SCEL: variants seen among roughly 807,000 people sequenced by gnomAD.
SCEL encodes sciellin.
Under a neutral mutation model 117.6 loss-of-function variants are expected in SCEL, and 113 were observed. That is an observed-to-expected ratio of 0.96 (90% confidence interval 0.83 to 1.12). The LOEUF (loss-of-function observed/expected upper bound fraction) is 1.12, where lower values mean the gene tolerates loss of function less well. Ranked by LOEUF, SCEL falls within the 50% of genes most tolerant of loss-of-function variation. SCEL has a pLI of 0.00. For synonymous variants in SCEL, 270 were observed against 256.2 expected (o/e 1.05, Z -0.51); for missense variants, 785 against 810.8 (o/e 0.97, Z 0.39).
chr13:77,628,124 A>C (rs554564277), intron 28 of SCEL, 115 bp downstream of exon 28: 69 of 209,494 alleles, frequency 3.3e-4, no homozygotes, highest in African/African-American at 1.6e-3. Flanking sequence ...TATGTAATAT[A>C]TAATTTGGAT....
chr13:77,608,295 A>G (rs1019380788), intron 20 of SCEL, among the ~76,000 whole-genome samples, 180 bp downstream of exon 20: 22 of 152,172 alleles, frequency 1.4e-4, no homozygotes, highest in African/African-American at 4.1e-4. Context: ...TTAGTTATAA[A>G]CTGAGGATCA....
rs377482468 is a variant in SCEL, at chr13:77,613,997, A to G, written c.1451+42A>G. 3.5e-6 allele frequency: 5 copies of G among 1,448,146 alleles called. No individual in the cohort carries two copies. In the African/African-American group the frequency reaches 5.7e-5, roughly 16 times the overall value. The allele number at this position is 1,448,146 out of a possible 1,614,324, so 89.7% of individuals were successfully genotyped here. A position where few individuals can be genotyped will look rare whatever the true frequency, so the allele number is the denominator to read the frequency against. The stretch of plus-strand genomic sequence containing the variant: ...ATTTTTGTTGTGTTTCTCGTTAAGT[A>G]AACCCAAAATTAATAGAAATGATTT... On this transcript the variant is annotated intron_variant, in intron 24 of 32. Transcript: ENST00000349847.
At chr13:77,568,130 C>T (rs1446126374) in intron 6 of SCEL, among the ~76,000 whole-genome samples, 165 bp from the exon 7 acceptor site, 2 of 152,082 alleles carry the variant, frequency 1.3e-5, no homozygotes, top group Non-Finnish European at 2.9e-5. Flanking sequence ...GTACAAGAGA[C>T]AAAATCATGA....
intron 1 of SCEL, among the ~76,000 whole-genome samples, chr13:77,536,972 A>T (rs2154392586): frequency 6.6e-6 from 1 of 152,384 alleles, no homozygotes; most frequent in South Asian, 2.1e-4. Context: ...TTTTCATAAA[A>T]TGTGATTACA....
chr13:77,630,477 A>T (rs1171235371), intron 28 of SCEL, among the ~76,000 whole-genome samples: 1 of 152,162 alleles, frequency 6.6e-6, no homozygotes, highest in Non-Finnish European at 1.5e-5. Flanking sequence ...CACTATTTTG[A>T]TTAATGTTGC....
chr13:77,623,241 G>A (rs1233177956), intron 27 of SCEL: 1 of 152,142 alleles, frequency 6.6e-6, no homozygotes, highest in Non-Finnish European at 1.5e-5. Flanking sequence ...TCTTTTACTG[G>A]ATCTTCAAAT....
chr13:77,626,899 C>G (rs2089764394), intron 27 of SCEL, among the ~76,000 whole-genome samples: 1 of 151,932 alleles, frequency 6.6e-6, no homozygotes, highest in Admixed American at 6.6e-5. Context: ...GTTTTGACTT[C>G]TAAACAGTGC....
chr13:77,612,905 A>G lies in SCEL; in HGVS notation c.1352A>G (p.Glu451Gly). ...NRTNQGNQDL[E>G]NLIKVIPSAN... ...CATTTTTTTAGGAACCAAGACTTGG[A>G]AAATCTTATCAAAGTGATCCCTTCA... Residue 451 changes from glutamate (E) to glycine (G), a missense_variant, in exon 23 of 33, where the codon GAA (glutamate) becomes GGA (glycine). Coordinates refer to ENST00000349847, the MANE Select transcript of SCEL (RefSeq NM_144777.3). 1 of 1,561,386 alleles carries G rather than the reference A, an allele frequency of 6.4e-7. No individual in the cohort carries two copies. Among genetic ancestry groups the G allele is most frequent in the Non-Finnish European group, 8.7e-7 (1 of 1,153,868 alleles).
rs1362705089 is a variant in SCEL at position 77,580,388 on chromosome 13, G to A, written c.545+8199G>A. ...TTTTGAGACTTTTAAAAGAGTGGTA[G>A]CATTTGCCGGACGTGAGCCAATGGA... On this transcript the variant is annotated intron_variant, in intron 9 of 32. Transcript: ENST00000349847. Among the ~76,000 whole-genome samples the A allele has an allele frequency of 5.9e-5, 9 of 152,300 alleles. No homozygotes were observed. In the East Asian group the frequency reaches 1.7e-3, roughly 29 times the overall value.
intron 9 of SCEL, among the ~76,000 whole-genome samples, chr13:77,572,764 A>T (rs370669450): frequency 1.3e-5 from 2 of 152,342 alleles, no homozygotes; most frequent in East Asian, 3.9e-4. Flanking sequence ...GTATGACCTT[A>T]TCCTAACTGA....
intron 27 of SCEL, among the ~76,000 whole-genome samples, chr13:77,624,100 CTTTTTTT>C (rs566206052): frequency 1.7e-5 from 2 of 120,352 alleles, no homozygotes; most frequent in African/African-American, 6.5e-5. Context: ...CTTGTCTTCA[CTTTTTTT>C]TTTTTTTTTT....
intron 2 of SCEL, 89 bp from the exon 3 acceptor site, chr13:77,556,507 A>G (rs2084663925): frequency 9.7e-7 from 1 of 1,027,590 alleles, no homozygotes. Flanking sequence ...CTGGCCAATC[A>G]GATGTGCCTC....
chr13:77,633,843 G>A (rs937255393), intron 28 of SCEL, among the ~76,000 whole-genome samples: 5 of 152,230 alleles, frequency 3.3e-5, no homozygotes, highest in Non-Finnish European at 7.3e-5. Flanking sequence ...TTGAGTTAGT[G>A]AATGTGTCAT....
Position 77,644,255 on chromosome 13 carries a change from C to T in SCEL, c.2051-3C>T, listed in dbSNP as rs767257944. The stretch of plus-strand genomic sequence containing the variant: ...TGCACGTCTTTTTTCTTTTAATTTG[C>T]AGCAAAGTGGATTCCATAACTCTGG... On this transcript the variant is annotated splice_polypyrimidine_tract_variant and splice_region_variant and intron_variant, in intron 32 of 32. Transcript: ENST00000349847. 3 of 1,612,512 alleles carry T rather than the reference C, an allele frequency of 1.9e-6. No homozygotes were observed. The African/African-American group carries it at 4.0e-5, about 22-fold the overall frequency.
intron 11 of SCEL, among the ~76,000 whole-genome samples, chr13:77,592,278 G>C (rs530788954): frequency 3.9e-5 from 6 of 152,132 alleles, no homozygotes; most frequent in African/African-American, 1.4e-4. Flanking sequence ...GGAGCTTACA[G>C]CACCACTCTT....
chr13:77,627,446 T>C (rs978173090), intron 27 of SCEL, among the ~76,000 whole-genome samples: 29 of 152,150 alleles, frequency 1.9e-4, no homozygotes, highest in Non-Finnish European at 3.8e-4. Context: ...ATTAGATCAG[T>C]AGGGTGACTA....
At chr13:77,606,042 G>A (rs1326503239) in intron 19 of SCEL, among the ~76,000 whole-genome samples, 1 of 152,164 alleles carries the variant, frequency 6.6e-6, no homozygotes, top group Non-Finnish European at 1.5e-5. Flanking sequence ...GTTGGTGTGT[G>A]TATATGTGGG....
intron 32 of SCEL, among the ~76,000 whole-genome samples, chr13:77,643,125 T>G (rs2090639100): frequency 6.6e-6 from 1 of 152,164 alleles, no homozygotes; most frequent in Non-Finnish European, 1.5e-5. Context: ...GAAGTCCATA[T>G]TCGTAAATGA....
intron 24 of SCEL, among the ~76,000 whole-genome samples, chr13:77,614,757 A>C (rs1293792814): frequency 1.3e-5 from 2 of 152,138 alleles, no homozygotes; most frequent in Non-Finnish European, 2.9e-5. Context: ...CAGAAAGGTT[A>C]AGTGATTTGA....
Sources: gnomAD v4.1 joint callset for allele counts (sites outside exome capture counted in the v4.1 genomes callset) on GRCh38, gnomAD v4.1.1 for gene constraint, MANE v1.5 for transcripts, NCBI Gene and HGNC (gene_info 2026-07-23, HGNC 2026-07-21) for gene names.